The following DMD variants were observed in gnomAD, a reference collection of about 807,000 sequenced individuals.
The protein encoded by DMD is dystrophin, also known as mutant dystrophin.
Under a neutral mutation model 330.1 loss-of-function variants are expected in DMD, and 63 were observed. The observed-to-expected ratio is 0.19, with a 90% CI of 0.16 to 0.24. DMD has a LOEUF of 0.24. Ranked by LOEUF, DMD falls within the 10% of genes least tolerant of loss-of-function variation. The pLI, the probability that DMD is intolerant of heterozygous loss-of-function variation, is 1.00. For missense variants in DMD, 3,344 were observed against 2,684.1 expected, an observed-to-expected ratio of 1.25 and a Z score of -5.43; for synonymous variants, 1,223 against 959.8, an observed-to-expected ratio of 1.27 and a Z score of -5.07.
At chrX:32,543,211 G>A (rs1180194961) in intron 17 of DMD, among the ~76,000 whole-genome samples, 1 of 110,952 alleles carries the variant, frequency 9.0e-6, no homozygotes, top group Admixed American at 9.6e-5. Context: ...TGCCCAATGG[G>A]ACTTCTCATT....
At chrX:31,486,556 A>C (rs1423925768) in intron 57 of DMD, among the ~76,000 whole-genome samples, 1 of 111,904 alleles carries the variant, frequency 8.9e-6, no homozygotes, top group Non-Finnish European at 1.9e-5. Flanking sequence ...CCAAACACTC[A>C]GAAGTTCCAT....
chrX:32,121,357 G>T (rs772306790), intron 44 of DMD, among the ~76,000 whole-genome samples: 1 of 107,897 alleles, frequency 9.3e-6, no homozygotes, highest in Non-Finnish European at 1.9e-5. Context: ...CCTTCATCTT[G>T]GTTAGGCTCT....
intron 1 of DMD, among the ~76,000 whole-genome samples, chrX:33,319,693 A>C (rs2053986515): frequency 8.9e-6 from 1 of 112,230 alleles, no homozygotes; most frequent in Non-Finnish European, 1.9e-5. Flanking sequence ...GAATGCAAAT[A>C]TAAGAAAATG....
At chrX:32,927,363 C>CTTTTTTTTTTTT (rs536073565) in intron 2 of DMD, among the ~76,000 whole-genome samples, 1 of 57,034 alleles carries the variant, frequency 1.8e-5, no homozygotes, top group Non-Finnish European at 3.1e-5. Context: ...TTCTTTCTTT[C>CTTTTTTTTTTTT]TTTTTTTTTT....
intron 18 of DMD, among the ~76,000 whole-genome samples, chrX:32,515,917 T>C (rs1224334235): frequency 8.9e-6 from 1 of 111,934 alleles, no homozygotes; most frequent in Non-Finnish European, 1.9e-5. Flanking sequence ...ATAAAACACA[T>C]GGTGAATATA....
At chrX:31,321,304 G>T (rs1442554394) in intron 62 of DMD, among the ~76,000 whole-genome samples, 2 of 110,248 alleles carry the variant, frequency 1.8e-5, no homozygotes, top group Non-Finnish European at 3.8e-5. Flanking sequence ...CCAAGGTTTG[G>T]CTGGGCATGG....
At chrX:31,829,065 C>G (rs1015406265) in intron 49 of DMD, among the ~76,000 whole-genome samples, 2 of 111,964 alleles carry the variant, frequency 1.8e-5, no homozygotes, top group African/African-American at 6.5e-5. Flanking sequence ...AAAAGAATCT[C>G]TTTTGCAGCA....
intron 47 of DMD, 149 bp from the exon 48 acceptor site, chrX:31,875,522 A>T: frequency 2.1e-6 from 1 of 477,639 alleles, no homozygotes. Flanking sequence ...TTGATTATTT[A>T]CATATATTAC....
intron 7 of DMD, among the ~76,000 whole-genome samples, chrX:32,755,912 C>T (rs1406612808): frequency 8.9e-6 from 1 of 111,859 alleles, no homozygotes; most frequent in Non-Finnish European, 1.9e-5. Flanking sequence ...TTCTTCATTG[C>T]ACTGTAATCA....
chrX:32,414,440 G>T (rs564559531), intron 29 of DMD, among the ~76,000 whole-genome samples: 1 of 111,970 alleles, frequency 8.9e-6, no homozygotes, highest in South Asian at 3.7e-4. Flanking sequence ...TCCCTCACAT[G>T]ACATTATGTT....
intron 2 of DMD, among the ~76,000 whole-genome samples, chrX:32,963,264 A>C (rs2091977259): frequency 8.9e-6 from 1 of 112,276 alleles, no homozygotes; most frequent in African/African-American, 3.2e-5. Flanking sequence ...AAGTGTTATA[A>C]TAACAGGCTG....
intron 44 of DMD, among the ~76,000 whole-genome samples, chrX:32,185,292 A>G (rs1332520231): frequency 9.0e-6 from 1 of 111,177 alleles, no homozygotes; most frequent in Non-Finnish European, 1.9e-5. Flanking sequence ...CCAAACAGTG[A>G]TTTAGAAACA....
chrX:32,637,964 G>A (rs2059209349), intron 11 of DMD, among the ~76,000 whole-genome samples: 1 of 111,964 alleles, frequency 8.9e-6, no homozygotes, highest in South Asian at 3.8e-4. Flanking sequence ...GTGAATTCCA[G>A]AAATTTAGCT....
chrX:32,182,877 A>G (rs893853978), intron 44 of DMD, among the ~76,000 whole-genome samples: 6 of 111,749 alleles, frequency 5.4e-5, no homozygotes, highest in Admixed American at 2.9e-4. Context: ...TCTGTCAGCT[A>G]TAATTTGTTC....
chrX:32,176,521 T>C (rs938061768), intron 44 of DMD, among the ~76,000 whole-genome samples: 1 of 112,265 alleles, frequency 8.9e-6, no homozygotes, highest in Non-Finnish European at 1.9e-5. Flanking sequence ...TTGAGGAACA[T>C]TAGGTTTACA....
intron 27 of DMD, among the ~76,000 whole-genome samples, chrX:32,446,267 A>C (rs1008823205): frequency 9.0e-6 from 1 of 110,846 alleles, no homozygotes; most frequent in Non-Finnish European, 1.9e-5. Context: ...GTAGAAGACA[A>C]AATAGGGTGA....
chrX:32,592,608 C>A (rs977293137), intron 13 of DMD, among the ~76,000 whole-genome samples: 3 of 112,139 alleles, frequency 2.7e-5, no homozygotes, highest in African/African-American at 9.7e-5. Flanking sequence ...GTACCTCATT[C>A]TTCCTGGACA....
At chrX:31,760,419 C>T (rs2149176511) in intron 51 of DMD, among the ~76,000 whole-genome samples, 1 of 111,884 alleles carries the variant, frequency 8.9e-6, no homozygotes, top group African/African-American at 3.2e-5. Flanking sequence ...ACATGTAGGA[C>T]AGTGGTCCTA....
At chrX:32,053,009 T>C (rs1044900606) in intron 44 of DMD, among the ~76,000 whole-genome samples, 3 of 111,812 alleles carry the variant, frequency 2.7e-5, no homozygotes, top group African/African-American at 9.7e-5. Context: ...ATTGTGAGTT[T>C]AGTTTCCTGA....
Sources: gnomAD v4.1 joint callset for allele counts (sites outside exome capture counted in the v4.1 genomes callset) on GRCh38, gnomAD v4.1.1 for gene constraint, MANE v1.5 for transcripts, NCBI Gene and HGNC (gene_info 2026-07-23, HGNC 2026-07-21) for gene names.